LANCL1: variants seen among roughly 807,000 people sequenced by gnomAD.
The protein encoded by LANCL1 is glutathione S-transferase LANCL1.
Under a neutral mutation model 50.6 loss-of-function variants are expected in LANCL1, and 50 were observed. The observed-to-expected ratio is 0.99, with a 90% CI of 0.79 to 1.25. The LOEUF (loss-of-function observed/expected upper bound fraction) is 1.25. Ranked by LOEUF, LANCL1 falls within the 50% of genes most tolerant of loss-of-function variation. The probability of loss-of-function intolerance (pLI) is 0.00; values close to 1 mark genes in which losing one functional copy is unlikely to be tolerated. For synonymous variants in LANCL1, 188 were observed against 178.6 expected (o/e 1.05, Z -0.42); for missense variants, 532 against 480.7 (o/e 1.11, Z -1.00).
intron 3 of LANCL1, chr2:210,460,818 CTTTAA>C (rs1322229787): frequency 6.6e-6 from 1 of 152,100 alleles, no homozygotes; most frequent in Non-Finnish European, 1.5e-5. Context: ...GACTCCACAC[CTTTAA>C]TTTAATAATA....
chr2:210,440,250 A>G (rs1457359398), intron 6 of LANCL1, among the ~76,000 whole-genome samples: 2 of 152,190 alleles, frequency 1.3e-5, no homozygotes, highest in Non-Finnish European at 2.9e-5. Flanking sequence ...TTAATGTGGA[A>G]TAATAGTTTT....
chr2:210,476,227 G>T, intron 2 of LANCL1, 89 bp downstream of exon 2: 1 of 769,720 alleles, frequency 1.3e-6, no homozygotes, highest in Non-Finnish European at 2.2e-6. Context: ...TTTTAAAGGG[G>T]GATGCTCAAC....
intron 2 of LANCL1, among the ~76,000 whole-genome samples, chr2:210,473,620 A>T (rs756646146): frequency 6.6e-6 from 1 of 152,192 alleles, no homozygotes; most frequent in African/African-American, 2.4e-5. Context: ...TTAACACTGA[A>T]AACAGCAAGA....
chr2:210,448,335 G>A (rs1693407749), intron 4 of LANCL1, among the ~76,000 whole-genome samples: 1 of 152,160 alleles, frequency 6.6e-6, no homozygotes, highest in Non-Finnish European at 1.5e-5. Flanking sequence ...CAGAATCTCT[G>A]GCATACAGCT....
intron 6 of LANCL1, among the ~76,000 whole-genome samples, chr2:210,438,570 CAA>C (rs1024265796): frequency 6.6e-6 from 1 of 152,110 alleles, no homozygotes; most frequent in African/African-American, 2.4e-5. Flanking sequence ...TTAAAAGTCA[CAA>C]AGAGATGCAC....
chr2:210,440,777 T>C (rs756051191), intron 5 of LANCL1, 33 bp from the exon 6 acceptor site: 24 of 1,595,060 alleles, frequency 1.5e-5, no homozygotes, highest in Non-Finnish European at 2.0e-5. Flanking sequence ...AATAACAAGT[T>C]AACTGAACAA....
chr2:210,431,994 G>GAGAT lies in LANCL1; in HGVS notation c.*2489_*2492dup, dbSNP rs1692761063. 6.6e-6 allele frequency: 1 copy of GAGAT among 152,182 alleles called. No individual in the cohort carries two copies. Among genetic ancestry groups the GAGAT allele is most frequent in the Non-Finnish European group, 1.5e-5 (1 of 68,032 alleles). 9.4% of individuals were successfully genotyped at this position (152,182 alleles called of 1,614,324 possible). On this transcript the variant is annotated 3_prime_UTR_variant, in exon 10 of 10. Coordinates refer to ENST00000450366, the MANE Select transcript of LANCL1 (RefSeq NM_006055.3). ...GGTTTTATTACCTAGTCCCTGTATA[G>GAGAT]AGATAAGAGATGATGGTATTGAGTT...
Position 210,471,884 on chromosome 2 carries a change from G to C in LANCL1, c.199+75C>G, listed in dbSNP as rs945768089. 3.8e-5 allele frequency: 39 copies of C among 1,032,162 alleles called. No homozygotes were observed. In the Admixed American group the frequency reaches 6.6e-4, roughly 18 times the overall value. 63.9% of individuals were successfully genotyped at this position (1,032,162 alleles called of 1,614,324 possible). ...GAAGCATTTAAGGGTGTACCATTCA[G>C]ACAGACAGCTCTCGGAAAAATGCTC... On this transcript the variant is annotated intron_variant, in intron 3 of 9. Coordinates refer to ENST00000450366, the MANE Select transcript of LANCL1 (RefSeq NM_006055.3).
At chr2:210,455,065 T>C (rs376165694) in intron 4 of LANCL1, 42 bp downstream of exon 4, 15 of 1,524,360 alleles carry the variant, frequency 9.8e-6, no homozygotes, top group Non-Finnish European at 1.3e-5. Flanking sequence ...AATTAATGCA[T>C]AATGATGCTA....
intron 9 of LANCL1, 63 bp downstream of exon 9, chr2:210,435,324 A>T: frequency 2.3e-6 from 3 of 1,305,200 alleles, no homozygotes; most frequent in Non-Finnish European, 3.3e-6. Flanking sequence ...TAAATACATT[A>T]ATTACCAAGC....
At chr2:210,445,679 T>C (rs185831188) in intron 4 of LANCL1, among the ~76,000 whole-genome samples, 185 of 152,304 alleles carry the variant, frequency 1.2e-3, no homozygotes, top group Non-Finnish European at 2.4e-3. Flanking sequence ...TTTCAGAAAC[T>C]CTCAAACTAA....
intron 3 of LANCL1, among the ~76,000 whole-genome samples, chr2:210,466,727 T>C (rs1694071522): frequency 6.6e-6 from 1 of 152,184 alleles, no homozygotes; most frequent in Non-Finnish European, 1.5e-5. Context: ...GGGGTCACTT[T>C]GCATATGTGA....
chr2:210,472,066 T>G lies in LANCL1; in HGVS notation c.92A>C (p.Glu31Ala). Residue 31 changes from glutamate (E) to alanine (A), a missense_variant, in exon 3 of 10, where the codon GAG becomes GCG. Coordinates refer to ENST00000450366, the MANE Select transcript of LANCL1 (RefSeq NM_006055.3). ...CTTATTGGTCAAGCGTTGTGAGAAC[T>G]CAGGAGTCAGCTAGATATTAAAGGA... ...YFDAAGRLTP[E>A]FSQRLTNKIR... is the part of the protein sequence containing the mutation. The G allele has an allele frequency of 6.2e-7, 1 of 1,611,812 alleles. No individual in the cohort carries two copies.
chr2:210,459,405 G>A (rs998818338), intron 3 of LANCL1, among the ~76,000 whole-genome samples: 3 of 152,016 alleles, frequency 2.0e-5, no homozygotes, highest in Admixed American at 1.3e-4. Context: ...TACTACTCCT[G>A]CAACCTGCCT....
upstream of LANCL1, chr2:210,476,815 C>T (rs1574451149): frequency 2.0e-6 from 2 of 1,005,968 alleles, no homozygotes; most frequent in Non-Finnish European, 2.4e-6. Flanking sequence ...GAGACCCGCC[C>T]CCTTCTCTCT....
chr2:210,446,519 G>A lies in LANCL1; in HGVS notation c.408-5076C>T, dbSNP rs1476606302. ...TGGAGAATGAATTTGACAAATTGAC[G>A]GAAGTAGGCTTCAGAAGGTGGGTAA... On this transcript the variant is annotated intron_variant, in intron 4 of 9. Coordinates refer to ENST00000450366, the MANE Select transcript of LANCL1 (RefSeq NM_006055.3). Among the ~76,000 whole-genome samples, 6 of 151,970 alleles carry A rather than the reference G, an allele frequency of 3.9e-5. No individual in the cohort carries two copies. In the South Asian group the frequency reaches 1.0e-3, roughly 26 times the overall value.
intron 3 of LANCL1, among the ~76,000 whole-genome samples, chr2:210,462,710 C>G (rs998594722): frequency 6.6e-6 from 1 of 152,086 alleles, no homozygotes. Context: ...TTTCATTTTT[C>G]TAGCTGCAAA....
At chr2:210,447,661 T>C (rs1009417822) in intron 4 of LANCL1, among the ~76,000 whole-genome samples, 3 of 152,050 alleles carry the variant, frequency 2.0e-5, no homozygotes, top group Non-Finnish European at 2.9e-5. Flanking sequence ...TGGAGGCATA[T>C]TGACCAAGCA....
chr2:210,438,499 C>T (rs1277692446), intron 6 of LANCL1, among the ~76,000 whole-genome samples: 1 of 152,154 alleles, frequency 6.6e-6, no homozygotes, highest in Non-Finnish European at 1.5e-5. Flanking sequence ...TTTCCTAAGT[C>T]AATGCCTATG....
Sources: allele counts gnomAD v4.1 joint callset (sites outside exome capture counted in the v4.1 genomes callset), GRCh38; gene constraint gnomAD v4.1.1; transcripts MANE v1.5; gene names NCBI Gene and HGNC (gene_info 2026-07-23, HGNC 2026-07-21).